Variants in ZNF385D observed in about 807,000 individuals in gnomAD.
The protein encoded by ZNF385D is zinc finger protein 385D.
In ZNF385D, 15 loss-of-function variants were observed where a neutral mutation model predicts 35.8. That is an observed-to-expected ratio of 0.42 (90% CI 0.28 to 0.64). The LOEUF (loss-of-function observed/expected upper bound fraction) is 0.64. Among genes scored for constraint, ZNF385D ranks in the 30% least tolerant of loss-of-function variants. The pLI, the probability that ZNF385D is intolerant of heterozygous loss-of-function variation, is 0.23. For synonymous variants in ZNF385D, 212 were observed against 186.8 expected (o/e 1.13, Z -1.10); for missense variants, 474 against 494.6 (o/e 0.96, Z 0.39).
chr3:21,984,894 T>G lies in ZNF385D; in HGVS notation c.325+183923A>C, dbSNP rs558854351. Reference sequence around the variant, plus strand: ...AGAGGTCCTTCACGTCCCTTGTAAGTTGGATTCCTAGGTATTTTATTGTCT... The same window carrying G: ...AGAGGTCCTTCACGTCCCTTGTAAGGTGGATTCCTAGGTATTTTATTGTCT... On this transcript the variant is annotated intron_variant, in intron 3 of 5. Coordinates refer to the ZNF385D transcript ENST00000494108. 2.1e-3 allele frequency among the ~76,000 whole-genome samples: 290 copies of G among 141,276 alleles called. 7 individuals carry two copies. The highest frequency in any genetic ancestry group is 0.016 in the Admixed American group (228 of 14,250). The allele number at this position is 141,276 out of a possible 152,430, so 92.7% of individuals were successfully genotyped here.
intron 2 of ZNF385D, among the ~76,000 whole-genome samples, chr3:22,279,593 CAT>C (rs1553640931): frequency 1.6e-5 from 2 of 121,292 alleles, no homozygotes; most frequent in African/African-American, 4.3e-5. Context: ...TACATATGTA[CAT>C]ATATATGTAT....
At chr3:21,511,303 A>G (rs1707181954) in intron 3 of ZNF385D, among the ~76,000 whole-genome samples, 1 of 150,912 alleles carries the variant, frequency 6.6e-6, no homozygotes, top group Non-Finnish European at 1.5e-5. Flanking sequence ...GGGAGCGGGG[A>G]AAAAAAATAA....
At chr3:21,698,781 C>T (rs563999682) in intron 1 of ZNF385D, among the ~76,000 whole-genome samples, 6 of 151,758 alleles carry the variant, frequency 4.0e-5, no homozygotes, top group Middle Eastern at 3.4e-3. Flanking sequence ...TAAATCAAAA[C>T]CACAACGAGA....
At chr3:21,714,539 T>C (rs934983509) in intron 1 of ZNF385D, among the ~76,000 whole-genome samples, 2 of 152,224 alleles carry the variant, frequency 1.3e-5, no homozygotes. Context: ...CAATCTCTCC[T>C]CTTGATTCCT....
chr3:21,425,745 G>A (rs1700991242), intron 5 of ZNF385D, 75 bp from the exon 6 acceptor site: 2 of 1,392,420 alleles, frequency 1.4e-6, no homozygotes, highest in Non-Finnish European at 9.6e-7. Flanking sequence ...TGGGATGGGA[G>A]GAAAAAAATC....
chr3:22,129,516 G>A (rs1233689324), intron 3 of ZNF385D, among the ~76,000 whole-genome samples: 1 of 152,018 alleles, frequency 6.6e-6, no homozygotes, highest in Non-Finnish European at 1.5e-5. Flanking sequence ...TTCTTTTACT[G>A]GGGTTGAGCT....
intron 7 of ZNF385D, 83 bp downstream of exon 7, chr3:21,423,880 A>C: frequency 2.3e-6 from 3 of 1,319,054 alleles, no homozygotes; most frequent in South Asian, 2.6e-5. Flanking sequence ...CTGTGGTTAA[A>C]GGTGGCAAAA....
intron 3 of ZNF385D, among the ~76,000 whole-genome samples, chr3:21,944,749 A>G (rs189299658): frequency 6.6e-6 from 1 of 152,152 alleles, no homozygotes; most frequent in East Asian, 1.9e-4. Context: ...GGAGAAAAAA[A>G]TTTGAAAATC....
chr3:21,510,887 G>A lies in ZNF385D; in HGVS notation c.413C>T (p.Thr138Ile). Residue 138 changes from threonine to isoleucine, a missense_variant, in exon 4 of 8, where the codon ACC becomes ATC. Coordinates refer to ENST00000281523, the MANE Select transcript of ZNF385D (RefSeq NM_024697.3). The stretch of plus-strand genomic sequence containing the variant: ...TGTTTTGTCAGAGCTGGTATTGATG[G>A]TATTGGTAGTGATGGAGGTGAAGGT... ...KTTFTSITTN[T>I]INTSSDKTDG... 6.2e-7 allele frequency: 1 copy of A among 1,614,090 alleles called. No individual in the cohort carries two copies. The highest frequency in any genetic ancestry group is 8.5e-7 in the Non-Finnish European group (1 of 1,179,972).
chr3:21,806,718 TG>T (rs2072668590), intron 3 of ZNF385D, among the ~76,000 whole-genome samples: 1 of 152,194 alleles, frequency 6.6e-6, no homozygotes, highest in South Asian at 2.1e-4. Context: ...CATAAAAAGT[TG>T]TATCTCCTTC....
intron 3 of ZNF385D, among the ~76,000 whole-genome samples, chr3:21,916,219 G>T (rs1168960045): frequency 6.6e-6 from 1 of 152,084 alleles, no homozygotes. Flanking sequence ...AAAATAAAGA[G>T]AAAATTGGAA....
At chr3:22,306,055 T>C (rs1703194613) in intron 2 of ZNF385D, among the ~76,000 whole-genome samples, 1 of 152,154 alleles carries the variant, frequency 6.6e-6, no homozygotes, top group South Asian at 2.1e-4. Context: ...AAAATGTCTA[T>C]AGCTTGTTTC....
rs542552048 is a variant in ZNF385D at position 21,910,159 on chromosome 3, A to G, written c.326-245131T>C. Reference sequence around the variant, plus strand: ...ACCATCTTTGGCCTACTTCACCTCCATGATAGGATTGCACCGTCATCCAAT... The same window carrying G: ...ACCATCTTTGGCCTACTTCACCTCCGTGATAGGATTGCACCGTCATCCAAT... On this transcript the variant is annotated intron_variant, in intron 3 of 5. Transcript: ENST00000494108. Among the ~76,000 whole-genome samples, 9 of 151,804 alleles carry G rather than the reference A, an allele frequency of 5.9e-5. No individual in the cohort carries two copies. The South Asian group carries it at 1.9e-3, about 32-fold the overall frequency.
intron 2 of ZNF385D, among the ~76,000 whole-genome samples, chr3:21,586,667 G>A (rs2063819742): frequency 6.6e-6 from 1 of 152,200 alleles, no homozygotes; most frequent in East Asian, 1.9e-4. Context: ...GTGCTGACAA[G>A]CGGGAAGGAT....
At chr3:21,619,492 G>A (rs1050646688) in intron 2 of ZNF385D, among the ~76,000 whole-genome samples, 2 of 151,994 alleles carry the variant, frequency 1.3e-5, no homozygotes, top group African/African-American at 4.8e-5. Context: ...AGGTATGTCT[G>A]TAGTCTTTAC....
chr3:21,737,889 C>G (rs2069323190), intron 1 of ZNF385D, among the ~76,000 whole-genome samples: 1 of 152,224 alleles, frequency 6.6e-6, no homozygotes, highest in South Asian at 2.1e-4. Flanking sequence ...CAAACTCACA[C>G]AGGTAAAGGC....
chr3:21,528,311 G>C (rs1708349822), intron 3 of ZNF385D, among the ~76,000 whole-genome samples: 1 of 152,110 alleles, frequency 6.6e-6, no homozygotes, highest in Non-Finnish European at 1.5e-5. Context: ...TGCAATCTCA[G>C]GGGCATATAA....
intron 3 of ZNF385D, among the ~76,000 whole-genome samples, chr3:21,790,349 TGATCAAATTATACAAAAGGGAAAG>T (rs2071876118): frequency 6.6e-6 from 1 of 152,154 alleles, no homozygotes; most frequent in Non-Finnish European, 1.5e-5. Context: ...ATGGAAAGAT[TGATCAAATTATACAAAAGGGAAAG>T]GAGTATGATT....
intron 5 of ZNF385D, among the ~76,000 whole-genome samples, chr3:21,434,099 CT>C (rs1362216377): frequency 2.6e-5 from 4 of 152,126 alleles, no homozygotes; most frequent in African/African-American, 9.7e-5. Context: ...TAATTTAATT[CT>C]GTCATTTTTC....
Sources: allele counts gnomAD v4.1 joint callset (sites outside exome capture counted in the v4.1 genomes callset), GRCh38; gene constraint gnomAD v4.1.1; transcripts MANE v1.5; gene names NCBI Gene and HGNC (gene_info 2026-07-23, HGNC 2026-07-21).